SEPTIN6: variants seen among roughly 807,000 people sequenced by gnomAD.
SEPTIN6 encodes septin 6, also known as septin-6.
In SEPTIN6, 8 loss-of-function variants were observed where a neutral mutation model predicts 33.6. That is an observed-to-expected ratio of 0.24 (90% confidence interval 0.14 to 0.43). The LOEUF is 0.43. Among genes scored for constraint, SEPTIN6 ranks in the 20% least tolerant of loss-of-function variants. SEPTIN6 has a pLI of 1.00. For synonymous variants in SEPTIN6, 131 were observed against 140.0 expected (o/e 0.94, Z 0.45); for missense variants, 250 against 340.8 (o/e 0.73, Z 2.10).
chrX:119,647,561 G>A (rs1414276083), intron 5 of SEPTIN6, among the ~76,000 whole-genome samples: 1 of 97,893 alleles, frequency 1.0e-5, no homozygotes, highest in Non-Finnish European at 2.0e-5. Flanking sequence ...AGGGTTCACC[G>A]CAGCCTCAAC....
chrX:119,640,825 A>T (rs781715041), intron 5 of SEPTIN6, 37 bp from the exon 6 acceptor site: 13 of 1,135,449 alleles, frequency 1.1e-5, no homozygotes, highest in Middle Eastern at 2.5e-4. Context: ...AGAACTGCAG[A>T]AGAAAGGCAC....
chrX:119,679,008 C>T (rs756080634), intron 1 of SEPTIN6, among the ~76,000 whole-genome samples: 181 of 110,732 alleles, frequency 1.6e-3, no homozygotes, highest in Admixed American at 6.1e-3. Context: ...AGTGCAGTGG[C>T]GCGATCTCAG....
chrX:119,653,634 C>T (rs1287360557), intron 3 of SEPTIN6, among the ~76,000 whole-genome samples: 2 of 112,452 alleles, frequency 1.8e-5, no homozygotes, highest in Non-Finnish European at 3.8e-5. Flanking sequence ...GTAACAAGAC[C>T]TCTCTTTGGC....
intron 1 of SEPTIN6, among the ~76,000 whole-genome samples, chrX:119,678,389 G>T (rs1474295526): frequency 9.1e-6 from 1 of 110,182 alleles, no homozygotes; most frequent in Non-Finnish European, 1.9e-5. Context: ...GCGTGGTGGC[G>T]GGCGCCTGTA....
intron 9 of SEPTIN6, among the ~76,000 whole-genome samples, chrX:119,627,228 A>G (rs769420301): frequency 9.0e-6 from 1 of 111,050 alleles, no homozygotes; most frequent in Admixed American, 9.7e-5. Flanking sequence ...ACCCTTCAGT[A>G]AAGACACAGC....
chrX:119,653,900 C>T (rs766238593), intron 3 of SEPTIN6, among the ~76,000 whole-genome samples: 7 of 110,834 alleles, frequency 6.3e-5, no homozygotes, highest in Non-Finnish European at 1.1e-4. Flanking sequence ...AAAACTTCGT[C>T]TCTACTAAAA....
At chrX:119,680,382 T>C (rs906226665) in intron 1 of SEPTIN6, among the ~76,000 whole-genome samples, 53 of 108,708 alleles carry the variant, frequency 4.9e-4, no homozygotes, top group Middle Eastern at 9.4e-3. Context: ...GTAATTTTTG[T>C]ATTTTTAGTA....
At chrX:119,675,520 C>T in intron 2 of SEPTIN6, 34 bp downstream of exon 2, 2 of 865,038 alleles carry the variant, frequency 2.3e-6, no homozygotes, top group South Asian at 2.9e-5. Context: ...GATCCATATT[C>T]TGTAATAGAA....
intron 10 of SEPTIN6, among the ~76,000 whole-genome samples, chrX:119,624,654 G>C (rs148587664): frequency 1.7e-4 from 19 of 111,524 alleles, no homozygotes; most frequent in African/African-American, 5.9e-4. Flanking sequence ...GACGGAGCTT[G>C]TGAAACCCAG....
chrX:119,685,216 T>C (rs1402192475), intron 1 of SEPTIN6, among the ~76,000 whole-genome samples: 2 of 111,785 alleles, frequency 1.8e-5, no homozygotes, highest in Non-Finnish European at 3.8e-5. Flanking sequence ...AGACAAACAT[T>C]CAGCTGTCAT....
intron 3 of SEPTIN6, among the ~76,000 whole-genome samples, chrX:119,653,587 C>T (rs1192392959): frequency 1.8e-5 from 2 of 112,112 alleles, no homozygotes; most frequent in Non-Finnish European, 3.8e-5. Flanking sequence ...CTTTATCTCG[C>T]CCTACAGTGC....
At chrX:119,627,084 T>G (rs1205835338) in intron 9 of SEPTIN6, among the ~76,000 whole-genome samples, 1 of 112,014 alleles carries the variant, frequency 8.9e-6, no homozygotes, top group Non-Finnish European at 1.9e-5. Context: ...AAAGTTACCA[T>G]GTTATTCCTA....
Position 119,625,377 on chromosome X carries a change from T to C in SEPTIN6, c.1283A>G (p.Ter428=), listed in dbSNP as rs2053843135. Residue 428 remains the stop codon, a splice_region_variant and stop_retained_variant, in exon 10 of 11, where the codon TAA becomes TGA. Coordinates refer to ENST00000394610, the MANE Select transcript of SEPTIN6 (RefSeq NM_145799.4). Reference sequence around the variant, plus strand: ...TGCAGCATGCAGCAAACAGCAGAGTTAACTGTAAAACAGTAAGAGCTGATG... The same window carrying C: ...TGCAGCATGCAGCAAACAGCAGAGTCAACTGTAAAACAGTAAGAGCTGATG... ...TLKRDKEKKN[*] 3 of 1,206,838 alleles carry C rather than the reference T, an allele frequency of 2.5e-6. No homozygotes were observed.
chrX:119,634,976 T>C (rs1319851184), intron 7 of SEPTIN6: 1 of 176,843 alleles, frequency 5.7e-6, no homozygotes, highest in Non-Finnish European at 1.0e-5. Context: ...GCCATTGTAC[T>C]CCAGCCTGGG....
At position 119,620,038 on chromosome X, in the gene SEPTIN6, A is replaced by G; in HGVS notation, c.*55T>C. 8.3e-7 allele frequency: 1 copy of G among 1,206,290 alleles called. No individual in the cohort carries two copies. The highest frequency in any genetic ancestry group is 1.1e-6 in the Non-Finnish European group (1 of 892,237). ...TCTGTTGCGCAGGAAAAGGGTGTCT[A>G]CAGGAAGCCCAAACTGAAAATGAAA... On this transcript the variant is annotated 3_prime_UTR_variant, in exon 11 of 11. Transcript: ENST00000394610.
At chrX:119,690,052 C>T (rs927603837) in intron 1 of SEPTIN6, among the ~76,000 whole-genome samples, 2 of 111,481 alleles carry the variant, frequency 1.8e-5, no homozygotes, top group Admixed American at 1.9e-4. Flanking sequence ...TTTTTAAAGC[C>T]TGCTACCTTT....
rs1156572532 is a variant in SEPTIN6 at position 119,617,789 on chromosome X, C to T, written c.*2304G>A. The T allele has an allele frequency of 3.6e-5, 28 of 786,146 alleles. No individual in the cohort carries two copies. Among genetic ancestry groups the T allele is most frequent in the Non-Finnish European group, 4.3e-5 (28 of 654,197 alleles). The allele number at this position is 786,146 out of a possible 1,213,427, so 64.8% of individuals were successfully genotyped here. On this transcript the variant is annotated 3_prime_UTR_variant, in exon 11 of 11. Coordinates refer to ENST00000394610, the MANE Select transcript of SEPTIN6 (RefSeq NM_145799.4). ...TTCTCTGGGCCTTCATTTCCCCTTA[C>T]GGAGTAAGTAGGTTATATCGTCTTA...
chrX:119,619,371 G>A lies in SEPTIN6; in HGVS notation c.*722C>T. ...CCCTTTTGCATCTGTGGGATACCCA[G>A]AGTTAGAGAGAGGGGAAACGTCTGC... On this transcript the variant is annotated 3_prime_UTR_variant, in exon 11 of 11. Coordinates refer to ENST00000394610, the MANE Select transcript of SEPTIN6 (RefSeq NM_145799.4). 1.2e-6 allele frequency: 1 copy of A among 814,213 alleles called. No homozygotes were observed. The highest frequency in any genetic ancestry group is 1.5e-6 in the Non-Finnish European group (1 of 676,433). The allele number at this position is 814,213 out of a possible 1,213,427, so 67.1% of individuals were successfully genotyped here. A position where few individuals can be genotyped will look rare whatever the true frequency, so the allele number is the denominator to read the frequency against.
At chrX:119,687,281 C>G (rs1384884095) in intron 1 of SEPTIN6, among the ~76,000 whole-genome samples, 1 of 98,598 alleles carries the variant, frequency 1.0e-5, no homozygotes, top group Non-Finnish European at 2.0e-5. Flanking sequence ...GACGGAGTCT[C>G]ACTCTGTCGC....
Sources: allele counts gnomAD v4.1 joint callset (sites outside exome capture counted in the v4.1 genomes callset), GRCh38; gene constraint gnomAD v4.1.1; transcripts MANE v1.5; gene names NCBI Gene and HGNC (gene_info 2026-07-23, HGNC 2026-07-21).